The following DISC1 variants were observed in gnomAD, a reference collection of about 807,000 sequenced individuals.
The protein encoded by DISC1 is DISC1 scaffold protein.
In DISC1, 57 loss-of-function variants were observed where a neutral mutation model predicts 84.5. That is an observed-to-expected ratio of 0.67 (90% CI 0.55 to 0.84). The LOEUF is 0.84. Ranked by LOEUF, DISC1 falls within the 40% of genes least tolerant of loss-of-function variation. The pLI is 0.00. For synonymous variants in DISC1, 411 were observed against 415.2 expected (o/e 0.99, Z 0.12); for missense variants, 1,000 against 1,057.8 (o/e 0.95, Z 0.76).
At chr1:232,024,738 G>A (rs1386158357) in intron 11 of DISC1, among the ~76,000 whole-genome samples, 2 of 151,700 alleles carry the variant, frequency 1.3e-5, no homozygotes, top group South Asian at 4.2e-4. Flanking sequence ...GATTACAGGC[G>A]CCCACCACCA....
intron 11 of DISC1, among the ~76,000 whole-genome samples, chr1:232,010,258 G>A (rs1667909278): frequency 6.6e-6 from 1 of 152,212 alleles, no homozygotes; most frequent in South Asian, 2.1e-4. Flanking sequence ...GCTCTGGGTA[G>A]AGGTGTTGAA....
chr1:231,684,944 T>C (rs773337646), intron 1 of DISC1: 1 of 152,238 alleles, frequency 6.6e-6, no homozygotes, highest in Non-Finnish European at 1.5e-5. Flanking sequence ...TCCACTCAGC[T>C]TTCCAGATGA....
intron 1 of DISC1, among the ~76,000 whole-genome samples, chr1:231,674,661 G>C (rs1434951929): frequency 6.6e-6 from 1 of 152,202 alleles, no homozygotes; most frequent in Non-Finnish European, 1.5e-5. Flanking sequence ...AGCACTTGTT[G>C]GGTACACAGA....
chr1:231,878,684 G>A (rs536493852), intron 9 of DISC1, among the ~76,000 whole-genome samples: 1 of 152,062 alleles, frequency 6.6e-6, no homozygotes, highest in African/African-American at 2.4e-5. Context: ...ACCCATAGGG[G>A]TGAGCTGGGT....
chr1:231,786,989 G>C (rs962943641), intron 6 of DISC1, among the ~76,000 whole-genome samples: 5 of 152,156 alleles, frequency 3.3e-5, no homozygotes, highest in African/African-American at 1.2e-4. Context: ...GGATAAGGAG[G>C]ATCAGGACAG....
At chr1:231,743,748 C>T (rs941112139) in intron 3 of DISC1, among the ~76,000 whole-genome samples, 35 of 152,188 alleles carry the variant, frequency 2.3e-4, no homozygotes, top group African/African-American at 8.4e-4. Context: ...CTGCTAATTA[C>T]TTGGGACTTG....
At chr1:231,886,816 TTTC>T (rs1228424540) in intron 9 of DISC1, among the ~76,000 whole-genome samples, 1 of 141,080 alleles carries the variant, frequency 7.1e-6, no homozygotes, top group African/African-American at 2.6e-5. Context: ...TCTTTCTTTC[TTTC>T]TTTCTTTCTT....
rs1168073283 is a variant in DISC1 at position 232,037,851 on chromosome 1, T to TACAATACAGTACTC, written c.*1021_*1022insCAATACAGTACTCA. ...TCAGTAATACAATACAGTACTCAGT[T>TACAATACAGTACTC]AGGCAGTGCAGTACTCAGGAATGCA... On this transcript the variant is annotated 3_prime_UTR_variant, in exon 13 of 13. Coordinates refer to ENST00000439617, the MANE Select transcript of DISC1 (RefSeq NM_018662.3). 8.1e-5 allele frequency: 11 copies of TACAATACAGTACTC among 135,924 alleles called. No individual in the cohort carries two copies. Among genetic ancestry groups the TACAATACAGTACTC allele is most frequent in the African/African-American group, 2.8e-4 (11 of 39,172 alleles). 8.4% of individuals were successfully genotyped at this position (135,924 alleles called of 1,614,324 possible).
chr1:231,724,405 A>G (rs1452627403), intron 3 of DISC1, among the ~76,000 whole-genome samples: 2 of 152,148 alleles, frequency 1.3e-5, no homozygotes, highest in African/African-American at 4.8e-5. Flanking sequence ...GAACCCTGCA[A>G]ACACCGCCCC....
At chr1:231,882,544 G>A (rs201298170) in intron 9 of DISC1, among the ~76,000 whole-genome samples, 3 of 152,122 alleles carry the variant, frequency 2.0e-5, no homozygotes, top group Non-Finnish European at 2.9e-5. Flanking sequence ...TCTGGGTGTC[G>A]TTTGAATAAT....
Position 231,907,221 on chromosome 1 carries a change from G to A in DISC1, c.1982-51607G>A, listed in dbSNP as rs185562057. Among the ~76,000 whole-genome samples, 1,397 of 149,628 alleles carry A rather than the reference G, an allele frequency of 9.3e-3. 26 individuals carry two copies. The highest frequency in any genetic ancestry group is 0.032 in the African/African-American group (1,301 of 40,342). ...TAGGGTACATGTGCACAACGTGCAGGTTTGTTACATATGTATACATGTGCC... is the reference window on the plus strand; with the variant it reads ...TAGGGTACATGTGCACAACGTGCAGATTTGTTACATATGTATACATGTGCC... On this transcript the variant is annotated intron_variant, in intron 9 of 12. Coordinates refer to ENST00000439617, the MANE Select transcript of DISC1 (RefSeq NM_018662.3).
At chr1:231,671,563 A>G (rs1206698946) in intron 1 of DISC1, among the ~76,000 whole-genome samples, 2 of 151,646 alleles carry the variant, frequency 1.3e-5, no homozygotes, top group East Asian at 3.9e-4. Context: ...ACATGCTTGA[A>G]CTCTCCATTC....
In DISC1 at chr1:231,771,635, G is replaced by T. The variant is rs923795528; in HGVS notation, c.1634+565G>T. 6.1e-6 allele frequency: 6 copies of T among 978,146 alleles called. No homozygotes were observed. In the Admixed American group the frequency reaches 3.1e-4, roughly 50 times the overall value. The allele number at this position is 978,146 out of a possible 1,614,324, so 60.6% of individuals were successfully genotyped here. A position where few individuals can be genotyped will look rare whatever the true frequency, so the allele number is the denominator to read the frequency against. ...CAGGTGAGGAAAAACGTTTAAGAAGGTTATAATTTGCCCAAAGTCCTAATT... is the reference window on the plus strand; with the variant it reads ...CAGGTGAGGAAAAACGTTTAAGAAGTTTATAATTTGCCCAAAGTCCTAATT... On this transcript the variant is annotated intron_variant, in intron 6 of 12. Transcript: ENST00000439617.
chr1:231,852,617 TTC>T (rs1442098601), intron 9 of DISC1, among the ~76,000 whole-genome samples: 9 of 152,266 alleles, frequency 5.9e-5, no homozygotes, highest in African/African-American at 2.2e-4. Flanking sequence ...GGCTAATTAA[TTC>T]TCTGATTCCT....
At chr1:231,776,829 A>G (rs995051297) in intron 6 of DISC1, among the ~76,000 whole-genome samples, 1 of 152,204 alleles carries the variant, frequency 6.6e-6, no homozygotes, top group African/African-American at 2.4e-5. Context: ...GCAAGGCCTG[A>G]ATTGGAAAAC....
chr1:231,722,245 C>T (rs2069879209), intron 3 of DISC1, among the ~76,000 whole-genome samples: 1 of 151,648 alleles, frequency 6.6e-6, no homozygotes, highest in Non-Finnish European at 1.5e-5. Flanking sequence ...GAAGAGATTC[C>T]TCCCAAATCT....
intron 3 of DISC1, chr1:231,702,530 G>A (rs1311586676): frequency 4.1e-6 from 4 of 981,056 alleles, no homozygotes; most frequent in Non-Finnish European, 4.8e-6. Context: ...CTGTGCCAAA[G>A]GGGGTCACAT....
intron 9 of DISC1, among the ~76,000 whole-genome samples, chr1:231,930,848 C>T (rs1291824185): frequency 6.6e-6 from 1 of 151,994 alleles, no homozygotes; most frequent in Non-Finnish European, 1.5e-5. Flanking sequence ...AGATTACAAG[C>T]CAGATGCAAG....
intron 9 of DISC1, among the ~76,000 whole-genome samples, chr1:231,951,171 C>T (rs1326927578): frequency 6.6e-6 from 1 of 152,200 alleles, no homozygotes; most frequent in Non-Finnish European, 1.5e-5. Flanking sequence ...CTTACTATAA[C>T]TCAGCATTCT....
Sources: gnomAD v4.1 joint callset for allele counts (sites outside exome capture counted in the v4.1 genomes callset) on GRCh38, gnomAD v4.1.1 for gene constraint, MANE v1.5 for transcripts, NCBI Gene and HGNC (gene_info 2026-07-23, HGNC 2026-07-21) for gene names.